The following NEMF variants were observed in gnomAD, a reference collection of about 807,000 sequenced individuals.
The protein encoded by NEMF is ribosome quality control complex subunit NEMF.
In NEMF, 89 loss-of-function variants were observed where a neutral mutation model predicts 162.2. That is an observed-to-expected ratio of 0.55 (90% CI 0.46 to 0.65). The LOEUF (loss-of-function observed/expected upper bound fraction) is 0.65, where lower values mean the gene tolerates loss of function less well. NEMF is among the 30% of genes least tolerant of loss of function. NEMF has a pLI of 0.00. For missense variants in NEMF, 1,133 were observed against 1,261.9 expected, an observed-to-expected ratio of 0.90 and a Z score of 1.55; for synonymous variants, 421 against 404.5, an observed-to-expected ratio of 1.04 and a Z score of -0.49.
intron 26 of NEMF, among the ~76,000 whole-genome samples, chr14:49,792,142 A>G (rs1191126711): frequency 7.1e-6 from 1 of 141,716 alleles, no homozygotes; most frequent in African/African-American, 2.5e-5. Flanking sequence ...GACCCAGTCT[A>G]AAAAAAAAAA....
In NEMF at chr14:49,846,179, A is replaced by T; in HGVS notation, c.318T>A (p.Asp106Glu). The T allele has an allele frequency of 6.2e-7, 1 of 1,613,832 alleles. No homozygotes were observed. The highest frequency in any genetic ancestry group is 8.5e-7 in the Non-Finnish European group (1 of 1,179,778). ...CAATGATTAAATGGTAAGCAGCTTC[A>T]TCACTTCCAAATTGAAAATCTACAA... is the stretch of plus-strand genomic sequence containing the variant. ...DRIVDFQFGS[D>E]EAAYHLIIEL... The change falls in exon 4 of 33, where the codon GAT (aspartate) becomes GAA (glutamate). Residue 106 changes from aspartate to glutamate, a missense_variant. By Grantham distance (45) the Asp-to-Glu change is conservative (BLOSUM62 2). Around this residue, in one of 3 missense-constraint regions of NEMF, gnomAD observed 582 missense variants for 631.5 expected, o/e 0.92. Coordinates refer to ENST00000298310, the MANE Select transcript of NEMF (RefSeq NM_004713.6).
chr14:49,850,389 G>A (rs1470394251), intron 3 of NEMF, among the ~76,000 whole-genome samples: 6 of 152,118 alleles, frequency 3.9e-5, no homozygotes, highest in Non-Finnish European at 1.5e-5. Context: ...CACCTGGTCT[G>A]TTTTAGGTGT....
At chr14:49,838,069 A>G in intron 6 of NEMF, 70 bp downstream of exon 6, 1 of 1,206,958 alleles carries the variant, frequency 8.3e-7, no homozygotes, top group Non-Finnish European at 1.2e-6. Flanking sequence ...AAACCATAAA[A>G]GATTTCAATA....
At position 49,782,321 on chromosome 14, in the gene NEMF, CCAACTG is replaced by C; in HGVS notation, c.*2309_*2314del. On this transcript the variant is annotated 3_prime_UTR_variant, in exon 33 of 33. Coordinates refer to ENST00000298310, the MANE Select transcript of NEMF (RefSeq NM_004713.6). ...AGCTCTATTCTGTAGTATAAAATGG[CCAACTG>C]GTGTTCTGGGTGGCTTCAAACTCGT... is the stretch of plus-strand genomic sequence containing the variant. 1 of 1,270,016 alleles carries C rather than the reference CCAACTG, an allele frequency of 7.9e-7. No homozygotes were observed. The highest frequency in any genetic ancestry group is 1.1e-6 in the Non-Finnish European group (1 of 882,574). 78.7% of individuals were successfully genotyped at this position (1,270,016 alleles called of 1,614,324 possible).
rs200813075 is a variant in NEMF at position 49,799,616 on chromosome 14, T to C, written c.2415+20A>G. On this transcript the variant is annotated intron_variant, in intron 24 of 32. Transcript: ENST00000298310. ...TTCACTGAGAATCGGATGTTCTTCA[T>C]AAAACTGAAAATAGCTTACAGAATT... The C allele has an allele frequency of 1.2e-6, 2 of 1,605,502 alleles. No homozygotes were observed. The highest frequency in any genetic ancestry group is 1.7e-6 in the Non-Finnish European group (2 of 1,177,240).
intron 28 of NEMF, chr14:49,787,058 G>A (rs571035184): frequency 5.3e-4 from 119 of 223,864 alleles, no homozygotes; most frequent in African/African-American, 2.4e-3. Flanking sequence ...AAAGTTACAA[G>A]TACAATTTAA....
chr14:49,838,858 A>G lies in NEMF; in HGVS notation c.507-652T>C, dbSNP rs142217091. 1.7e-3 allele frequency among the ~76,000 whole-genome samples: 265 copies of G among 152,222 alleles called. 1 individual carries two copies. In the East Asian group the frequency reaches 0.021, roughly 12 times the overall value. On this transcript the variant is annotated intron_variant, in intron 5 of 32. Transcript: ENST00000298310. ...CTTGGCCTCCCAAAGCGGTGGGATT[A>G]CAGGCGTGAGACACCGTGCCCAGCC...
At position 49,850,559 on chromosome 14, in the gene NEMF, G is replaced by A. The variant is rs573897140; in HGVS notation, c.231+1004C>T. ...ATTCAAAGTTAAGTATATGTGACTCGAAAGTCTCGTGTACCACATGAATTT... is the reference window on the plus strand; with the variant it reads ...ATTCAAAGTTAAGTATATGTGACTCAAAAGTCTCGTGTACCACATGAATTT... On this transcript the variant is annotated intron_variant, in intron 3 of 32. Transcript: ENST00000298310. 4.6e-5 allele frequency among the ~76,000 whole-genome samples: 7 copies of A among 152,180 alleles called. No individual in the cohort carries two copies. In the East Asian group the frequency reaches 1.2e-3, roughly 25 times the overall value.
intron 4 of NEMF, among the ~76,000 whole-genome samples, chr14:49,845,489 T>C (rs2140023891): frequency 6.6e-6 from 1 of 152,352 alleles, no homozygotes; most frequent in South Asian, 2.1e-4. Flanking sequence ...TTCCTGGAAC[T>C]TTTTTACTTT....
chr14:49,821,905 G>T (rs1219711859), intron 16 of NEMF, among the ~76,000 whole-genome samples: 1 of 152,132 alleles, frequency 6.6e-6, no homozygotes, highest in Non-Finnish European at 1.5e-5. Context: ...AAATTGGATG[G>T]TTGCTGTGTC....
At position 49,786,722 on chromosome 14, in the gene NEMF, T is replaced by C. The variant is rs763130474; in HGVS notation, c.2924A>G (p.Asn975Ser). ...AACCCCAACATAAAATCATACCTCA[T>C]TTCCCTGTTGATCCAGATCTTGCTC... ...KEEQDLDQQG[N>S]EENLFDSLTG... The change falls in exon 29 of 33, where the codon AAT becomes AGT. Residue 975 changes from asparagine to serine, a missense_variant. Asn to Ser is a conservative substitution (Grantham distance 46). Around this residue, in one of 3 missense-constraint regions of NEMF, gnomAD observed 532 missense variants for 578.6 expected, o/e 0.92. Coordinates refer to ENST00000298310, the MANE Select transcript of NEMF (RefSeq NM_004713.6). 6.2e-7 allele frequency: 1 copy of C among 1,612,986 alleles called. No individual in the cohort carries two copies. The highest frequency in any genetic ancestry group is 8.5e-7 in the Non-Finnish European group (1 of 1,179,056).
Position 49,838,187 on chromosome 14 carries a change from T to C in NEMF, c.526A>G (p.Ser176Gly). Reference protein sequence around the residue: ...TLERLTEIVASAPKGELLKRV... With the variant: ...TLERLTEIVAGAPKGELLKRV... ...TTCAGTAGTTCACCCTTAGGTGCGCTGGCTACTATTTCAGTCAACCTGTGA... is the reference window on the plus strand; with the variant it reads ...TTCAGTAGTTCACCCTTAGGTGCGCCGGCTACTATTTCAGTCAACCTGTGA... The change falls in exon 6 of 33, where the codon AGC becomes GGC. Residue 176 changes from serine (S) to glycine (G), a missense_variant. By Grantham distance (56) the Ser-to-Gly change is moderately conservative. Coordinates refer to ENST00000298310, the MANE Select transcript of NEMF (RefSeq NM_004713.6). The C allele has an allele frequency of 6.2e-7, 1 of 1,613,996 alleles. No homozygotes were observed. The highest frequency in any genetic ancestry group is 1.7e-5 in the Admixed American group (1 of 60,018).
Position 49,800,453 on chromosome 14 carries a change from G to GT in NEMF, c.2338dup (p.Thr780AsnfsTer4). On this transcript the variant is annotated frameshift_variant, in exon 23 of 33. Transcript: ENST00000298310. LOFTEE classifies it high-confidence loss of function. The stretch of plus-strand genomic sequence containing the variant: ...TTGAAGGTGAGACAAGTCAATGGTA[G>GT]TATCAGGATAATTTAATGTCTCTTC... 1 of 1,613,528 alleles carries GT rather than the reference G, an allele frequency of 6.2e-7. No homozygotes were observed.
At position 49,845,590 on chromosome 14, in the gene NEMF, A is replaced by G. The variant is rs75476482; in HGVS notation, c.357+550T>C. Among the ~76,000 whole-genome samples, 83 of 152,200 alleles carry G rather than the reference A, an allele frequency of 5.5e-4. 1 individual carries two copies. In the East Asian group the frequency reaches 0.013, roughly 24 times the overall value. On this transcript the variant is annotated intron_variant, in intron 4 of 32. Transcript: ENST00000298310. ...CAGCTGTACAATACTTTCTTTCTTT[A>G]GATCCATATTCTCTAAGCTTTTTTT...
chr14:49,842,093 G>A (rs547224729), intron 4 of NEMF, among the ~76,000 whole-genome samples: 3 of 148,140 alleles, frequency 2.0e-5, no homozygotes, highest in Non-Finnish European at 3.0e-5. Flanking sequence ...CAACAAGAGC[G>A]AAACTCCGTC....
chr14:49,802,861 AT>A, intron 20 of NEMF, 134 bp from the exon 21 acceptor site: 1 of 668,660 alleles, frequency 1.5e-6, no homozygotes, highest in Non-Finnish European at 2.6e-6. Context: ...CAAGAATAAC[AT>A]TTCCCATTTA....
At chr14:49,843,033 AAG>A (rs1376705811) in intron 4 of NEMF, among the ~76,000 whole-genome samples, 1 of 152,104 alleles carries the variant, frequency 6.6e-6, no homozygotes, top group Non-Finnish European at 1.5e-5. Context: ...AAAAAAAAGA[AAG>A]AGTAAAAACT....
chr14:49,817,243 G>C (rs947187260), intron 16 of NEMF, among the ~76,000 whole-genome samples: 19 of 152,234 alleles, frequency 1.2e-4, no homozygotes, highest in African/African-American at 3.9e-4. Context: ...CAGAGTTTGA[G>C]ACCAGCCTGG....
intron 25 of NEMF, among the ~76,000 whole-genome samples, chr14:49,798,834 G>A (rs1359108731): frequency 1.3e-5 from 2 of 151,944 alleles, no homozygotes; most frequent in African/African-American, 4.8e-5. Flanking sequence ...GTGAACCCGG[G>A]AGGTGGGGCT....
Sources: gnomAD v4.1 joint callset for allele counts (sites outside exome capture counted in the v4.1 genomes callset) on GRCh38, gnomAD v4.1.1 for gene constraint, gnomAD v4.1.1 regional missense constraint, MANE v1.5 for transcripts, NCBI Gene and HGNC (gene_info 2026-07-23, HGNC 2026-07-21) for gene names.